The following DEPDC5 variants were observed in gnomAD, a reference collection of about 807,000 sequenced individuals.
The protein encoded by DEPDC5 is GATOR1 complex protein DEPDC5.
DEPDC5 carries 73 observed loss-of-function variants against 217.3 expected under a neutral mutation model. The observed-to-expected ratio is 0.34, with a 90% confidence interval of 0.28 to 0.41. The LOEUF (loss-of-function observed/expected upper bound fraction) is 0.41. Ranked by LOEUF, DEPDC5 falls within the 10% of genes least tolerant of loss-of-function variation. The pLI, the probability that DEPDC5 is intolerant of heterozygous loss-of-function variation, is 1.00. For synonymous variants in DEPDC5, 733 were observed against 756.7 expected (o/e 0.97, Z 0.51); for missense variants, 1,675 against 2,070.1 (o/e 0.81, Z 3.70).
chr22:31,791,925 C>CAA (rs34494517), intron 10 of DEPDC5, 108 bp from the exon 11 acceptor site: 2,202 of 123,952 alleles, frequency 0.018, 99 homozygotes, highest in Non-Finnish European at 0.021. Context: ...GACTCCGTCT[C>CAA]AAAAAAAAAA....
rs1466759889 is a variant in DEPDC5, at chr22:31,778,091, T to G, written c.414-8T>G. Reference sequence around the variant, plus strand: ...GACTTGTAATAACTTGTGTGTGTATTCTTTCAGAGCACAGGCTGGTGAACT... The same window carrying G: ...GACTTGTAATAACTTGTGTGTGTATGCTTTCAGAGCACAGGCTGGTGAACT... On this transcript the variant is annotated splice_polypyrimidine_tract_variant and splice_region_variant and intron_variant, in intron 7 of 42. Coordinates refer to ENST00000651528, the MANE Select transcript of DEPDC5 (RefSeq NM_001242896.3). The G allele has an allele frequency of 6.2e-7, 1 of 1,614,134 alleles. No individual in the cohort carries two copies. Among genetic ancestry groups the G allele is most frequent in the Admixed American group, 1.7e-5 (1 of 60,016 alleles).
chr22:31,875,259 G>A (rs1939065163), intron 36 of DEPDC5: 1 of 167,116 alleles, frequency 6.0e-6, no homozygotes, highest in Admixed American at 6.5e-5. Flanking sequence ...CTGAGAATAC[G>A]ATTTCCTTAT....
chr22:31,893,724 G>A lies in DEPDC5; in HGVS notation c.4176G>A (p.Ala1392=), dbSNP rs758186552. ...TTGAGATCAAGCTGCACTGGATGGCGGTGACCGCAGCAGTACTCTTCGAGA... is the reference window on the plus strand; with the variant it reads ...TTGAGATCAAGCTGCACTGGATGGCAGTGACCGCAGCAGTACTCTTCGAGA... ...AAFEIKLHWM[A]VTAAVLFEMV... Residue 1392 remains alanine, a synonymous_variant, in exon 39 of 43, where the codon GCG becomes GCA. Transcript: ENST00000651528. 5.0e-6 allele frequency: 8 copies of A among 1,612,850 alleles called. No individual in the cohort carries two copies. Among genetic ancestry groups the A allele is most frequent in the Non-Finnish European group, 5.1e-6 (6 of 1,179,468 alleles).
Position 31,870,560 on chromosome 22 carries a change from A to T in DEPDC5, c.3331-30A>T, listed in dbSNP as rs5994441. ...TGTTTTCCTGTCAGTTATTTTTGGA[A>T]TCAAGTATTCATTTTTAAATCTCCT... On this transcript the variant is annotated intron_variant, in intron 33 of 42. Transcript: ENST00000651528. The T allele has an allele frequency of 0.28, 412,693 of 1,463,194 alleles. 61,391 individuals are homozygous for T. The highest frequency in any genetic ancestry group is 0.51 in the African/African-American group (35,379 of 69,338). 90.6% of individuals were successfully genotyped at this position (1,463,194 alleles called of 1,614,324 possible).
intron 26 of DEPDC5, 130 bp downstream of exon 26, chr22:31,837,285 A>C: frequency 4.8e-6 from 4 of 840,036 alleles, no homozygotes; most frequent in East Asian, 2.9e-5. Flanking sequence ...GATATAGAGG[A>C]GATTAGCATG....
intron 12 of DEPDC5, among the ~76,000 whole-genome samples, chr22:31,795,156 C>T (rs756490683): frequency 1.1e-4 from 17 of 150,182 alleles, no homozygotes; most frequent in Non-Finnish European, 2.4e-4. Context: ...CTGCAACTTC[C>T]GCCTCCCTAG....
chr22:31,861,491 C>T (rs944544309), intron 33 of DEPDC5, 58 bp downstream of exon 33: 58 of 1,533,248 alleles, frequency 3.8e-5, no homozygotes, highest in Non-Finnish European at 4.9e-5. Context: ...CATGAGCTGG[C>T]CTTCTGTTAG....
chr22:31,870,600 A>G lies in DEPDC5; in HGVS notation c.3341A>G (p.Asp1114Gly). 6.5e-7 allele frequency: 1 copy of G among 1,535,936 alleles called. No homozygotes were observed. Reference sequence around the variant, plus strand: ...TTAAATCTCCTGCAGGTATCTGTGGACCAAACAGCCACTCCTATGTTGGAC... The same window carrying G: ...TTAAATCTCCTGCAGGTATCTGTGGGCCAAACAGCCACTCCTATGTTGGAC... ...SSAFYPQVSV[D>G]QTATPMLDGT... Residue 1114 changes from aspartate (D) to glycine (G), a missense_variant, in exon 34 of 43, where the codon GAC becomes GGC. By Grantham distance (94) the Asp-to-Gly change is moderately conservative (BLOSUM62 -1). Coordinates refer to ENST00000651528, the MANE Select transcript of DEPDC5 (RefSeq NM_001242896.3).
At chr22:31,832,498 T>G (rs527390686) in intron 24 of DEPDC5, among the ~76,000 whole-genome samples, 1 of 152,002 alleles carries the variant, frequency 6.6e-6, no homozygotes, top group South Asian at 2.1e-4. Context: ...TTTTTTTTTT[T>G]TCTTTTGAGA....
At chr22:31,790,087 G>A (rs2085446968) in intron 10 of DEPDC5, among the ~76,000 whole-genome samples, 2 of 152,110 alleles carry the variant, frequency 1.3e-5, no homozygotes, top group South Asian at 4.1e-4. Context: ...ATTAGATAAG[G>A]GTGCTGATTT....
chr22:31,906,325 A>C lies in DEPDC5; in HGVS notation c.4640A>C (p.Asn1547Thr). Reference protein sequence around the residue: ...NMFCEERVGYNWAYNTMLTKT... With the variant: ...NMFCEERVGYTWAYNTMLTKT... ...TTCTGCGAGGAGCGGGTCGGCTACAACTGGGCCTACAACACCATGCTCACC... is the reference window on the plus strand; with the variant it reads ...TTCTGCGAGGAGCGGGTCGGCTACACCTGGGCCTACAACACCATGCTCACC... The change falls in exon 43 of 43, where the codon AAC becomes ACC. Residue 1547 changes from asparagine to threonine, a missense_variant. By Grantham distance (65) the Asn-to-Thr change is moderately conservative. This residue lies in a region of DEPDC5 where 42 missense variants were observed against 27.7 expected (regional missense o/e 1.51). Transcript: ENST00000651528. The surrounding 1 kb of genome is among the most constrained non-coding windows in gnomAD (Gnocchi z 5.1). 1 of 1,613,976 alleles carries C rather than the reference A, an allele frequency of 6.2e-7. No individual in the cohort carries two copies. The highest frequency in any genetic ancestry group is 1.3e-5 in the African/African-American group (1 of 75,068).
Position 31,857,484 on chromosome 22 carries a change from G to A in DEPDC5, c.3195G>A (p.Lys1065=), listed in dbSNP as rs769742063. 128 of 1,611,662 alleles carry A rather than the reference G, an allele frequency of 7.9e-5. 2 individuals carry two copies. The South Asian group carries it at 1.2e-3, about 15-fold the overall frequency. Residue 1065 remains lysine (K), a synonymous_variant, in exon 32 of 43, where the codon AAG becomes AAA. Transcript: ENST00000651528. ...AGCAGGCAGCTGTGCATGGTGGGAA[G>A]AGCTCCGCCCAGTCAGCCGAGAGCA... The part of the protein sequence containing the change: ...GEQQAAVHGG[K]SSAQSAESSS...
In DEPDC5 at chr22:31,864,530, A is replaced by ATATATATT. The variant is rs1372150061; in HGVS notation, c.3330+3100_3330+3101insATATTTAT. On this transcript the variant is annotated intron_variant, in intron 33 of 42. Coordinates refer to ENST00000651528, the MANE Select transcript of DEPDC5 (RefSeq NM_001242896.3). ...TATATATATATATATATATATTTAT[A>ATATATATT]TATTTATTTATTTACTGTGTGTATT... is the stretch of plus-strand genomic sequence containing the variant. Among the ~76,000 whole-genome samples, 1,351 of 138,866 alleles carry ATATATATT rather than the reference A, an allele frequency of 9.7e-3. 10 individuals are homozygous for ATATATATT. The highest frequency in any genetic ancestry group is 0.014 in the Non-Finnish European group (903 of 64,534). 91.1% of individuals were successfully genotyped at this position (138,866 alleles called of 152,430 possible).
chr22:31,781,370 G>A (rs1021691975), intron 8 of DEPDC5, among the ~76,000 whole-genome samples: 10 of 152,084 alleles, frequency 6.6e-5, no homozygotes, highest in African/African-American at 2.4e-4. Context: ...GTCCTTTTCA[G>A]TATCTGGGAT....
At chr22:31,777,813 T>C (rs1211776141) in intron 7 of DEPDC5, among the ~76,000 whole-genome samples, 1 of 152,104 alleles carries the variant, frequency 6.6e-6, no homozygotes, top group Non-Finnish European at 1.5e-5. Context: ...AGTGGCATGA[T>C]GTTGGCTCAC....
At chr22:31,828,588 C>A (rs190501992) in intron 24 of DEPDC5, among the ~76,000 whole-genome samples, 6 of 151,564 alleles carry the variant, frequency 4.0e-5, no homozygotes, top group Admixed American at 3.9e-4. Context: ...TTCTTATAAC[C>A]TTCTTAAACA....
rs776059228 is a variant in DEPDC5, at chr22:31,861,423, T to G, written c.3320T>G (p.Phe1107Cys). The G allele has an allele frequency of 4.5e-6, 7 of 1,551,586 alleles. No individual in the cohort carries two copies. Among genetic ancestry groups the G allele is most frequent in the Non-Finnish European group, 6.1e-6 (7 of 1,146,966 alleles). ...AGCCCACGCACAGCATCGTCCGCCT[T>G]CTACCCTCAGGTTAGTCCAACTCCA... ...VRSPRTASSA[F>C]YPQVSVDQTA... is the part of the protein sequence containing the mutation. The change falls in exon 33 of 43, where the codon TTC becomes TGC. Residue 1107 changes from phenylalanine (F) to cysteine (C), a missense_variant. By Grantham distance (205) the Phe-to-Cys change is radical (BLOSUM62 -2). Around this residue, in one of 11 missense-constraint regions of DEPDC5, gnomAD observed 126 missense variants for 113.8 expected, o/e 1.11. Coordinates refer to ENST00000651528, the MANE Select transcript of DEPDC5 (RefSeq NM_001242896.3).
chr22:31,905,275 C>T lies in DEPDC5; in HGVS notation c.4437-709C>T, dbSNP rs565432321. Among the ~76,000 whole-genome samples the T allele has an allele frequency of 7.9e-5, 12 of 151,804 alleles. 1 individual carries two copies. ...TTAGCTCACTGCAGCCTCCGCCTCC[C>T]GGATTCAAGTGATTCTCCTGGCTAA... On this transcript the variant is annotated intron_variant, in intron 41 of 42. Coordinates refer to ENST00000651528, the MANE Select transcript of DEPDC5 (RefSeq NM_001242896.3).
chr22:31,843,023 T>C lies in DEPDC5; in HGVS notation c.2516-72T>C. 2 of 1,128,914 alleles carry C rather than the reference T, an allele frequency of 1.8e-6. 1 individual carries two copies. The highest frequency in any genetic ancestry group is 2.9e-5 in the South Asian group (2 of 69,488). 69.9% of individuals were successfully genotyped at this position (1,128,914 alleles called of 1,614,324 possible). ...TGTTACATTGTTTTCTGAATCTATA[T>C]GGATGAGAAACAATTGTCTGTTATA... On this transcript the variant is annotated intron_variant, in intron 27 of 42. Coordinates refer to ENST00000651528, the MANE Select transcript of DEPDC5 (RefSeq NM_001242896.3).
Sources: allele counts gnomAD v4.1 joint callset (sites outside exome capture counted in the v4.1 genomes callset), GRCh38; gene constraint gnomAD v4.1.1; regional missense constraint gnomAD v4.1.1; non-coding constraint Gnocchi (gnomAD v3.1); transcripts MANE v1.5; gene names NCBI Gene and HGNC (gene_info 2026-07-23, HGNC 2026-07-21).